The following EXOSC7 variants were observed in gnomAD, a reference collection of about 807,000 sequenced individuals.
The protein encoded by EXOSC7 is exosome complex component RRP42.
EXOSC7 carries 25 observed loss-of-function variants against 34.3 expected under a neutral mutation model. The observed-to-expected ratio is 0.73, with a 90% CI of 0.53 to 1.02. EXOSC7 has a LOEUF of 1.02. EXOSC7 is among the 50% of genes least tolerant of loss of function. EXOSC7 has a pLI of 0.00. For missense variants in EXOSC7, 370 were observed against 368.5 expected, an observed-to-expected ratio of 1.00 and a Z score of -0.03; for synonymous variants, 130 against 143.0, an observed-to-expected ratio of 0.91 and a Z score of 0.65.
intron 1 of EXOSC7, 22 bp from the exon 2 acceptor site, chr3:44,989,118 G>T (rs1706498439): frequency 6.4e-7 from 1 of 1,555,164 alleles, no homozygotes; most frequent in South Asian, 1.1e-5. Flanking sequence ...GTGACTATAG[G>T]ACTGTGGTTG....
chr3:44,977,875 A>G (rs1342555059), intron 1 of EXOSC7, among the ~76,000 whole-genome samples: 1 of 152,206 alleles, frequency 6.6e-6, no homozygotes, highest in Non-Finnish European at 1.5e-5. Flanking sequence ...GCATGGATAT[A>G]TCTGTAACCT....
At chr3:44,995,005 A>C (rs555844327) in intron 3 of EXOSC7, among the ~76,000 whole-genome samples, 54 of 151,962 alleles carry the variant, frequency 3.6e-4, no homozygotes, top group African/African-American at 1.3e-3. Flanking sequence ...TTATTTTGAG[A>C]CGGAGTTTCA....
chr3:44,981,320 G>A (rs2125961290), intron 1 of EXOSC7, among the ~76,000 whole-genome samples: 1 of 152,280 alleles, frequency 6.6e-6, no homozygotes, highest in Middle Eastern at 3.4e-3. Context: ...TTTACAATAA[G>A]TGGTTTTACT....
intron 1 of EXOSC7, among the ~76,000 whole-genome samples, chr3:44,986,925 T>C (rs907956397): frequency 6.6e-6 from 1 of 152,190 alleles, no homozygotes; most frequent in Non-Finnish European, 1.5e-5. Context: ...GAGCAGTGTT[T>C]TATTTTATTT....
intron 1 of EXOSC7, among the ~76,000 whole-genome samples, chr3:44,986,552 A>T (rs1227452518): frequency 6.6e-6 from 1 of 152,242 alleles, no homozygotes; most frequent in Non-Finnish European, 1.5e-5. Flanking sequence ...CCCGCAGTGC[A>T]GCGGCGGGCT....
chr3:45,005,662 C>T (rs942522352), intron 6 of EXOSC7, among the ~76,000 whole-genome samples: 8 of 152,120 alleles, frequency 5.3e-5, no homozygotes, highest in African/African-American at 1.9e-4. Context: ...TAATAGTAGC[C>T]AGAGTTTGTT....
intron 1 of EXOSC7, among the ~76,000 whole-genome samples, chr3:44,987,092 T>TA (rs34686659): frequency 0.023 from 3,152 of 136,186 alleles, 75 homozygotes; most frequent in African/African-American, 0.064. Flanking sequence ...AGTTAAGTGT[T>TA]AAAAAAAAAA....
intron 3 of EXOSC7, among the ~76,000 whole-genome samples, chr3:44,993,655 T>A (rs1706632135): frequency 6.6e-6 from 1 of 152,066 alleles, no homozygotes; most frequent in African/African-American, 2.4e-5. Flanking sequence ...TTCCCACAAC[T>A]CTGGAAGAGG....
At chr3:44,978,587 G>A (rs545259749) in intron 1 of EXOSC7, among the ~76,000 whole-genome samples, 55 of 152,264 alleles carry the variant, frequency 3.6e-4, no homozygotes, top group African/African-American at 1.3e-3. Flanking sequence ...AAACGGACAC[G>A]ATCTAGACTG....
intron 1 of EXOSC7, among the ~76,000 whole-genome samples, chr3:44,988,521 G>T (rs548760130): frequency 6.6e-6 from 1 of 152,288 alleles, no homozygotes; most frequent in South Asian, 2.1e-4. Flanking sequence ...CAACCACTCA[G>T]CTCTGCTTTT....
chr3:44,997,426 A>G (rs911011718), intron 4 of EXOSC7, among the ~76,000 whole-genome samples, 174 bp downstream of exon 4: 2 of 152,204 alleles, frequency 1.3e-5, no homozygotes, highest in Admixed American at 1.3e-4. Context: ...TAAATACAAC[A>G]TAGATGTAAG....
intron 7 of EXOSC7, among the ~76,000 whole-genome samples, chr3:45,010,962 G>T (rs1043330691): frequency 2.0e-5 from 3 of 152,200 alleles, no homozygotes; most frequent in African/African-American, 7.2e-5. Context: ...TAATGGCCAG[G>T]GCAGGCTTTG....
intron 5 of EXOSC7, among the ~76,000 whole-genome samples, chr3:45,003,735 C>G (rs536501114): frequency 6.6e-6 from 1 of 152,314 alleles, no homozygotes; most frequent in African/African-American, 2.4e-5. Context: ...ACCCCAGAAG[C>G]ATCCCACACC....
chr3:44,995,362 T>C (rs1316313394), intron 3 of EXOSC7, among the ~76,000 whole-genome samples: 1 of 152,190 alleles, frequency 6.6e-6, no homozygotes, highest in African/African-American at 2.4e-5. Flanking sequence ...CCCAAGGCTG[T>C]AGAAGAGTTA....
At position 44,997,264 on chromosome 3, in the gene EXOSC7, C is replaced by CA; in HGVS notation, c.420+12_420+13insA. On this transcript the variant is annotated intron_variant, in intron 4 of 7. Transcript: ENST00000265564. ...ATGTGGATGTGCTGGTGAGTATCATCGTGCTGTACTGGCCACATTCTACCT... is the reference window on the plus strand; with the variant it reads ...ATGTGGATGTGCTGGTGAGTATCATCAGTGCTGTACTGGCCACATTCTACCT... 6.2e-7 allele frequency: 1 copy of CA among 1,612,022 alleles called. No individual in the cohort carries two copies. The highest frequency in any genetic ancestry group is 8.5e-7 in the Non-Finnish European group (1 of 1,178,722).
intron 3 of EXOSC7, among the ~76,000 whole-genome samples, chr3:44,994,259 A>AG (rs1706654486): frequency 7.3e-6 from 1 of 137,374 alleles, no homozygotes; most frequent in Non-Finnish European, 1.6e-5. Context: ...AAAAAAAAAA[A>AG]AAAGATAAGG....
In EXOSC7 at chr3:44,997,844, C is replaced by T. The variant is rs200195954; in HGVS notation, c.420+592C>T. On this transcript the variant is annotated intron_variant, in intron 4 of 7. Coordinates refer to ENST00000265564, the MANE Select transcript of EXOSC7 (RefSeq NM_015004.4). ...TTCTTTTAAACACCTCAGAACGTGCCTGCCTTTAGTTTCCTGGGTGAGGCC... is the reference window on the plus strand; with the variant it reads ...TTCTTTTAAACACCTCAGAACGTGCTTGCCTTTAGTTTCCTGGGTGAGGCC... Among the ~76,000 whole-genome samples the T allele has an allele frequency of 6.6e-5, 10 of 152,248 alleles. No individual in the cohort carries two copies. The East Asian group carries it at 1.7e-3, about 27-fold the overall frequency.
intron 6 of EXOSC7, among the ~76,000 whole-genome samples, chr3:45,006,116 C>T (rs7612289): frequency 0.47 from 61,911 of 132,832 alleles, 14,741 homozygotes; most frequent in East Asian, 0.85. Context: ...CTTGCTGCAA[C>T]GCCCAGGCTG....
At chr3:45,009,611 C>T (rs930746708) in intron 7 of EXOSC7, among the ~76,000 whole-genome samples, 4 of 151,102 alleles carry the variant, frequency 2.6e-5, no homozygotes, top group Non-Finnish European at 5.9e-5. Flanking sequence ...TGCAGTGGTG[C>T]GATCTCAGCT....
Sources: allele counts gnomAD v4.1 joint callset (sites outside exome capture counted in the v4.1 genomes callset), GRCh38; gene constraint gnomAD v4.1.1; transcripts MANE v1.5; gene names NCBI Gene and HGNC (gene_info 2026-07-23, HGNC 2026-07-21).